EOGT: variants seen among roughly 807,000 people sequenced by gnomAD.
EOGT encodes EGF domain-specific O-linked N-acetylglucosamine transferase.
Under a neutral mutation model 70.5 loss-of-function variants are expected in EOGT, and 55 were observed. The observed-to-expected ratio is 0.78, with a 90% confidence interval of 0.63 to 0.98. EOGT has a LOEUF of 0.98. Among genes scored for constraint, EOGT ranks in the 50% least tolerant of loss-of-function variants. EOGT has a pLI of 0.00. For missense variants in EOGT, 703 were observed against 641.9 expected (o/e 1.10, Z -1.03); for synonymous variants, 246 against 217.1 (o/e 1.13, Z -1.17).
intron 3 of EOGT, among the ~76,000 whole-genome samples, chr3:69,010,993 G>A (rs905699990): frequency 6.6e-6 from 1 of 152,066 alleles, no homozygotes; most frequent in African/African-American, 2.4e-5. Flanking sequence ...GAAACTCCAG[G>A]ACACTAAGCA....
chr3:69,013,373 G>A (rs989679509), intron 1 of EOGT, among the ~76,000 whole-genome samples: 3 of 151,894 alleles, frequency 2.0e-5, no homozygotes, highest in Non-Finnish European at 4.4e-5. Context: ...GCCCGGGGCC[G>A]GGGAGGGCCA....
intron 10 of EOGT, among the ~76,000 whole-genome samples, chr3:68,989,604 C>T (rs2090921233): frequency 6.6e-6 from 1 of 151,646 alleles, no homozygotes; most frequent in African/African-American, 2.4e-5. Flanking sequence ...AAAAATTAGC[C>T]AGGCATGGTG....
At position 68,977,757 on chromosome 3, in the gene EOGT, T is replaced by C; in HGVS notation, c.1445A>G (p.His482Arg). The change falls in exon 18 of 18, where the codon CAT becomes CGT. Residue 482 changes from histidine to arginine, a missense_variant. Coordinates refer to ENST00000383701, the MANE Select transcript of EOGT (RefSeq NM_001278689.2). ...CTTCGGGTGCTCCCCCAGGGTTGGA[T>C]GGTGGCCCTGTGAAAATAAACCAAA... The part of the protein sequence containing the change: ...NKVFPQDKGH[H>R]PTLGEHPKFT... 6.2e-7 allele frequency: 1 copy of C among 1,609,982 alleles called. No homozygotes were observed. Among genetic ancestry groups the C allele is most frequent in the African/African-American group, 1.3e-5 (1 of 74,770 alleles).
intron 10 of EOGT, among the ~76,000 whole-genome samples, chr3:68,995,534 C>A (rs1182068309): frequency 2.0e-5 from 3 of 152,058 alleles, no homozygotes; most frequent in Non-Finnish European, 2.9e-5. Flanking sequence ...AACCTGGGGT[C>A]TTCATGGTGG....
chr3:68,982,578 A>C (rs1295749848), intron 15 of EOGT, among the ~76,000 whole-genome samples: 1 of 152,216 alleles, frequency 6.6e-6, no homozygotes, highest in East Asian at 1.9e-4. Context: ...ATCTGAATTC[A>C]TCACTTCTTT....
chr3:68,993,725 G>A (rs1213520237), intron 10 of EOGT, among the ~76,000 whole-genome samples: 3 of 152,154 alleles, frequency 2.0e-5, no homozygotes, highest in Non-Finnish European at 4.4e-5. Context: ...CCGAGACTGG[G>A]AAGAAAAAGA....
At chr3:69,002,943 T>C (rs903197072) in intron 8 of EOGT, among the ~76,000 whole-genome samples, 3 of 152,330 alleles carry the variant, frequency 2.0e-5, no homozygotes, top group African/African-American at 7.2e-5. Context: ...GCTGTGATTA[T>C]AGGCATGAGC....
chr3:68,978,977 CA>C (rs1342391657), intron 16 of EOGT, among the ~76,000 whole-genome samples: 1 of 152,132 alleles, frequency 6.6e-6, no homozygotes, highest in Non-Finnish European at 1.5e-5. Context: ...TTTTGCAGGG[CA>C]TTGGAAGTTC....
Position 68,977,572 on chromosome 3 carries a change from G to A in EOGT, c.*46C>T, listed in dbSNP as rs1029933849. The A allele has an allele frequency of 3.6e-5, 57 of 1,590,818 alleles. No homozygotes were observed. The highest frequency in any genetic ancestry group is 4.3e-5 in the Non-Finnish European group (50 of 1,161,868). ...TACTGATTTAATTCTAAGTCTGGGT[G>A]TTGGAGTGTTTAAACACTCTCTTTT... On this transcript the variant is annotated 3_prime_UTR_variant, in exon 18 of 18. Coordinates refer to ENST00000383701, the MANE Select transcript of EOGT (RefSeq NM_001278689.2).
In EOGT at chr3:68,978,250, C is replaced by A. The variant is rs1342359811; in HGVS notation, c.1437+83G>T. On this transcript the variant is annotated intron_variant, in intron 17 of 17. Transcript: ENST00000383701. Reference sequence around the variant, plus strand: ...AGTTTATCTTTGCAGCACTGAAGTTCAATAACCATTTTTCATATCAATAAT... The same window carrying A: ...AGTTTATCTTTGCAGCACTGAAGTTAAATAACCATTTTTCATATCAATAAT... 28 of 996,424 alleles carry A rather than the reference C, an allele frequency of 2.8e-5. No homozygotes were observed. In the East Asian group the frequency reaches 6.2e-4, roughly 22 times the overall value. 61.7% of individuals were successfully genotyped at this position (996,424 alleles called of 1,614,324 possible). A position where few individuals can be genotyped will look rare whatever the true frequency, so the allele number is the denominator to read the frequency against.
At position 69,004,491 on chromosome 3, in the gene EOGT, T is replaced by C. The variant is rs374408350; in HGVS notation, c.516-9A>G. 1.8e-4 allele frequency: 288 copies of C among 1,591,774 alleles called. No homozygotes were observed. Among genetic ancestry groups the C allele is most frequent in the Admixed American group, 4.3e-4 (26 of 59,870 alleles). On this transcript the variant is annotated splice_polypyrimidine_tract_variant and intron_variant, in intron 7 of 17. Transcript: ENST00000383701. ...AAAAGTCCTCCTTAAATCTGGTATA[T>C]AACAAAACATTAAGTTAAGTTCAGA...
Position 68,976,189 on chromosome 3 carries a change from CTTTAG to C in EOGT, c.*1424_*1428del, listed in dbSNP as rs984513164. 4.6e-5 allele frequency: 7 copies of C among 152,046 alleles called. No individual in the cohort carries two copies. Among genetic ancestry groups the C allele is most frequent in the Admixed American group, 3.9e-4 (6 of 15,264 alleles). 9.4% of individuals were successfully genotyped at this position (152,046 alleles called of 1,614,324 possible). On this transcript the variant is annotated 3_prime_UTR_variant, in exon 18 of 18. Transcript: ENST00000383701. ...CACTTTCATTGAATAAGTCACATGT[CTTTAG>C]TTTGTTTTTTCTTGGTCTTACTTTT...
Position 68,979,837 on chromosome 3 carries a change from T to C in EOGT, c.1215-50A>G, listed in dbSNP as rs1239100534. On this transcript the variant is annotated intron_variant, in intron 15 of 17. Transcript: ENST00000383701. Reference sequence around the variant, plus strand: ...GAGAGATGGGGAGAAGAGAGAAGTATTAGGTTGAGTTAGTTCATGATTCAC... The same window carrying C: ...GAGAGATGGGGAGAAGAGAGAAGTACTAGGTTGAGTTAGTTCATGATTCAC... 3 of 1,561,450 alleles carry C rather than the reference T, an allele frequency of 1.9e-6. No individual in the cohort carries two copies. In the South Asian group the frequency reaches 3.4e-5, roughly 18 times the overall value.
At chr3:68,998,152 A>C (rs770608685) in intron 9 of EOGT, 38 bp from the exon 10 acceptor site, 15 of 1,124,098 alleles carry the variant, frequency 1.3e-5, no homozygotes, top group Non-Finnish European at 1.9e-5. Flanking sequence ...ATTAACACCA[A>C]AGAGCACATG....
At chr3:68,997,976 G>A (rs760408698) in intron 10 of EOGT, 35 bp downstream of exon 10, 2 of 1,198,678 alleles carry the variant, frequency 1.7e-6, no homozygotes, top group Non-Finnish European at 2.4e-6. Flanking sequence ...ACAAGGGAAA[G>A]ACAGTACTGA....
intron 5 of EOGT, 38 bp downstream of exon 5, chr3:69,008,390 A>T (rs753237998): frequency 7.1e-7 from 1 of 1,407,948 alleles, no homozygotes; most frequent in South Asian, 1.2e-5. Context: ...GTATAGAAAG[A>T]GGAAGACTTG....
At chr3:69,004,638 C>T (rs1055183410) in intron 7 of EOGT, among the ~76,000 whole-genome samples, 156 bp from the exon 8 acceptor site, 6 of 152,104 alleles carry the variant, frequency 3.9e-5, no homozygotes, top group Non-Finnish European at 8.8e-5. Flanking sequence ...ATGAAAGTAA[C>T]AGAATCCTAT....
intron 15 of EOGT, among the ~76,000 whole-genome samples, chr3:68,981,003 T>A (rs538951587): frequency 3.5e-4 from 54 of 152,224 alleles, no homozygotes; most frequent in African/African-American, 1.3e-3. Flanking sequence ...CTCATCTAGG[T>A]GAATGGTTTT....
chr3:68,984,930 T>C (rs2090760622), intron 14 of EOGT, among the ~76,000 whole-genome samples: 1 of 152,152 alleles, frequency 6.6e-6, no homozygotes, highest in African/African-American at 2.4e-5. Flanking sequence ...AGAAAGCAGT[T>C]TCAGTCCCTG....
Sources: gnomAD v4.1 joint callset for allele counts (sites outside exome capture counted in the v4.1 genomes callset) on GRCh38, gnomAD v4.1.1 for gene constraint, MANE v1.5 for transcripts, NCBI Gene and HGNC (gene_info 2026-07-23, HGNC 2026-07-21) for gene names.